IPO11: variants seen among roughly 807,000 people sequenced by gnomAD.
IPO11 encodes importin 11, also known as importin-11.
Under a neutral mutation model 143.2 loss-of-function variants are expected in IPO11, and 66 were observed. The ratio of observed to expected loss-of-function variants is 0.46; its 90% CI spans 0.38 to 0.57. The LOEUF (loss-of-function observed/expected upper bound fraction) is 0.57, where lower values mean the gene tolerates loss of function less well. Ranked by LOEUF, IPO11 falls within the 20% of genes least tolerant of loss-of-function variation. The probability of loss-of-function intolerance (pLI) is 0.00; values close to 1 mark genes in which losing one functional copy is unlikely to be tolerated. For synonymous variants in IPO11, 385 were observed against 377.8 expected, an observed-to-expected ratio of 1.02 and a Z score of -0.22; for missense variants, 1,026 against 1,141.0, an observed-to-expected ratio of 0.90 and a Z score of 1.45.
At chr5:62,480,977 G>A (rs1746181909) in intron 9 of IPO11, among the ~76,000 whole-genome samples, 2 of 137,042 alleles carry the variant, frequency 1.5e-5, no homozygotes, top group South Asian at 2.4e-4. Flanking sequence ...GTGCAGTGGC[G>A]TGATCTTGGG....
rs377184514 is a variant in IPO11, at chr5:62,568,799, C to A, written c.2582+7542C>A. On this transcript the variant is annotated intron_variant, in intron 27 of 29. Transcript: ENST00000325324. ...CATATTTAGGTGAATGTTCTTGATG[C>A]TTGTAGAGGTATGTCAGTGTCTGAG... Among the ~76,000 whole-genome samples the A allele has an allele frequency of 6.6e-5, 10 of 152,106 alleles. No individual in the cohort carries two copies. In the East Asian group the frequency reaches 9.7e-4, roughly 15 times the overall value.
intron 4 of IPO11, among the ~76,000 whole-genome samples, chr5:62,450,824 A>C (rs1284303337): frequency 6.6e-6 from 1 of 152,030 alleles, no homozygotes; most frequent in Non-Finnish European, 1.5e-5. Context: ...AATAAGTTTT[A>C]CTTATAGGTA....
At position 62,435,214 on chromosome 5, in the gene IPO11, A is replaced by ATATATG. The variant is rs1554047246; in HGVS notation, c.-6-2055_-6-2054insGTATAT. On this transcript the variant is annotated intron_variant, in intron 1 of 29. Coordinates refer to ENST00000325324, the MANE Select transcript of IPO11 (RefSeq NM_016338.5). Reference sequence around the variant, plus strand: ...TGTATATATATGTATATATATGTGTATATATATATATATCAGAGCAGCTGT... The same window carrying ATATATG: ...TGTATATATATGTATATATATGTGTATATATGTATATATATATATCAGAGCAGCTGT... Among the ~76,000 whole-genome samples, 1,064 of 121,928 alleles carry ATATATG rather than the reference A, an allele frequency of 8.7e-3. 99 individuals carry two copies. The highest frequency in any genetic ancestry group is 0.031 in the African/African-American group (923 of 29,554). The allele number at this position is 121,928 out of a possible 152,430, so 80.0% of individuals were successfully genotyped here.
chr5:62,570,029 A>G (rs1744082232), intron 27 of IPO11, among the ~76,000 whole-genome samples: 1 of 152,138 alleles, frequency 6.6e-6, no homozygotes, highest in African/African-American at 2.4e-5. Context: ...CTGGTTTTCC[A>G]GCATAATTTG....
At chr5:62,562,119 C>T (rs1282714098) in intron 27 of IPO11, 1 of 152,312 alleles carries the variant, frequency 6.6e-6, no homozygotes. Flanking sequence ...AAACCCACTT[C>T]ATGGATGCAC....
intron 26 of IPO11, among the ~76,000 whole-genome samples, chr5:62,553,548 A>C: frequency 6.6e-6 from 1 of 151,958 alleles, no homozygotes. Flanking sequence ...TTCAATTTGT[A>C]GTTTTTTGAG....
intron 6 of IPO11, among the ~76,000 whole-genome samples, chr5:62,468,369 A>G (rs1056426874): frequency 2.0e-5 from 3 of 152,220 alleles, no homozygotes; most frequent in Non-Finnish European, 4.4e-5. Context: ...TACATCACTT[A>G]CTTTCACCAG....
intron 29 of IPO11, among the ~76,000 whole-genome samples, chr5:62,619,173 G>C (rs1025787187): frequency 1.1e-4 from 16 of 152,162 alleles, no homozygotes; most frequent in Non-Finnish European, 2.2e-4. Flanking sequence ...AGGCTGTAGT[G>C]AGCCAAGATC....
chr5:62,439,856 A>G (rs1004075767), intron 2 of IPO11, among the ~76,000 whole-genome samples: 1 of 152,132 alleles, frequency 6.6e-6, no homozygotes, highest in Non-Finnish European at 1.5e-5. Context: ...CATTCTAGTC[A>G]GGAGACTCCT....
chr5:62,521,184 G>A (rs907853530), intron 20 of IPO11, among the ~76,000 whole-genome samples: 23 of 152,216 alleles, frequency 1.5e-4, no homozygotes, highest in East Asian at 5.8e-4. Flanking sequence ...TGTTTTCTGC[G>A]CATCATGTCA....
intron 16 of IPO11, among the ~76,000 whole-genome samples, chr5:62,494,950 G>T: frequency 6.6e-6 from 1 of 151,574 alleles, no homozygotes; most frequent in East Asian, 1.9e-4. Flanking sequence ...GAACCCACCT[G>T]GTTTTTGCCT....
chr5:62,550,328 C>G, intron 24 of IPO11, 39 bp from the exon 25 acceptor site: 3 of 1,423,536 alleles, frequency 2.1e-6, no homozygotes, highest in Non-Finnish European at 3.0e-6. Flanking sequence ...AAAGCAATGA[C>G]TTGCAGTATT....
intron 15 of IPO11, 96 bp from the exon 16 acceptor site, chr5:62,493,902 C>T (rs555780507): frequency 4.8e-4 from 537 of 1,129,546 alleles, no homozygotes; most frequent in Non-Finnish European, 6.2e-4. Context: ...AGATTGCATT[C>T]TTACTACATT....
chr5:62,489,069 A>G (rs923547178), intron 13 of IPO11, among the ~76,000 whole-genome samples: 6 of 152,188 alleles, frequency 3.9e-5, no homozygotes, highest in Non-Finnish European at 5.9e-5. Flanking sequence ...TTTCTAGAAT[A>G]TTGCTTGTCA....
chr5:62,527,707 A>G (rs56937297), intron 21 of IPO11, among the ~76,000 whole-genome samples: 2,035 of 152,286 alleles, frequency 0.013, 44 homozygotes, highest in African/African-American at 0.047. Flanking sequence ...GTTAATGGTA[A>G]TGTTTTTTCC....
At chr5:62,576,716 G>A (rs1454190441) in intron 27 of IPO11, among the ~76,000 whole-genome samples, 4 of 152,310 alleles carry the variant, frequency 2.6e-5, no homozygotes, top group Middle Eastern at 3.4e-3. Context: ...CTGGGAGGTC[G>A]ATGCTGTGGT....
chr5:62,613,265 G>A (rs1296070526), intron 29 of IPO11, among the ~76,000 whole-genome samples: 4 of 146,208 alleles, frequency 2.7e-5, no homozygotes, highest in African/African-American at 7.5e-5. Flanking sequence ...CCCAAGAATA[G>A]CCATAATAAT....
chr5:62,546,954 A>C (rs766106262), intron 24 of IPO11, among the ~76,000 whole-genome samples: 1 of 152,168 alleles, frequency 6.6e-6, no homozygotes, highest in Non-Finnish European at 1.5e-5. Flanking sequence ...GTCAGGATGT[A>C]TATCTGTTTT....
At chr5:62,417,539 G>A (rs1208448270) in intron 1 of IPO11, among the ~76,000 whole-genome samples, 2 of 151,822 alleles carry the variant, frequency 1.3e-5, no homozygotes. Flanking sequence ...TTAGGTTTTA[G>A]CCAGTCTTTT....
Sources: gnomAD v4.1 joint callset for allele counts (sites outside exome capture counted in the v4.1 genomes callset) on GRCh38, gnomAD v4.1.1 for gene constraint, MANE v1.5 for transcripts, NCBI Gene and HGNC (gene_info 2026-07-23, HGNC 2026-07-21) for gene names.